WBP1L: variants seen among roughly 807,000 people sequenced by gnomAD.
The protein encoded by WBP1L is WW domain binding protein 1-like.
Under a neutral mutation model 33.7 loss-of-function variants are expected in WBP1L, and 17 were observed. That is an observed-to-expected ratio of 0.50 (90% CI 0.34 to 0.76). WBP1L has a LOEUF of 0.76. WBP1L is among the 30% of genes least tolerant of loss of function. The pLI is 0.01. For missense variants in WBP1L, 389 were observed against 469.4 expected (o/e 0.83, Z 1.58); for synonymous variants, 173 against 190.8 (o/e 0.91, Z 0.77).
chr10:102,798,147 T>A lies in WBP1L; in HGVS notation c.193+52T>A, dbSNP rs773087704. 13 of 1,502,528 alleles carry A rather than the reference T, an allele frequency of 8.7e-6. No homozygotes were observed. In the Admixed American group the frequency reaches 2.2e-4, roughly 25 times the overall value. The allele number at this position is 1,502,528 out of a possible 1,614,324, so 93.1% of individuals were successfully genotyped here. A position where few individuals can be genotyped will look rare whatever the true frequency, so the allele number is the denominator to read the frequency against. On this transcript the variant is annotated intron_variant, in intron 2 of 3. Coordinates refer to ENST00000448841, the MANE Select transcript of WBP1L (RefSeq NM_001083913.2). ...GTATCCCAGGGTCCCAGTTACTGCCTCTGCTTAGTGGGAAACTCTGGGCAT... is the reference window on the plus strand; with the variant it reads ...GTATCCCAGGGTCCCAGTTACTGCCACTGCTTAGTGGGAAACTCTGGGCAT...
intron 1 of WBP1L, among the ~76,000 whole-genome samples, chr10:102,757,916 C>T (rs1321561822): frequency 9.5e-6 from 1 of 105,388 alleles, no homozygotes; most frequent in Non-Finnish European, 1.8e-5. Flanking sequence ...GACAGAGTCT[C>T]ACTCTGTCAC....
At chr10:102,797,673 C>T (rs536270247) in intron 1 of WBP1L, among the ~76,000 whole-genome samples, 1 of 152,148 alleles carries the variant, frequency 6.6e-6, no homozygotes, top group Non-Finnish European at 1.5e-5. Context: ...CTGCCTCAAC[C>T]TCCTGAGTAG....
chr10:102,765,614 C>T (rs7069489), intron 1 of WBP1L, among the ~76,000 whole-genome samples: 109,813 of 152,066 alleles, frequency 0.72, 39,920 homozygotes, highest in East Asian at 0.9. Flanking sequence ...TGCAAGGCAT[C>T]GTGCTTGGTC....
chr10:102,761,099 G>T (rs1843031608), intron 1 of WBP1L, among the ~76,000 whole-genome samples: 4 of 145,130 alleles, frequency 2.8e-5, no homozygotes, highest in Admixed American at 2.7e-4. Flanking sequence ...TAGAGACAGG[G>T]TTTCACCATG....
chr10:102,775,088 A>G (rs2134041213), intron 1 of WBP1L, among the ~76,000 whole-genome samples: 1 of 141,346 alleles, frequency 7.1e-6, no homozygotes, highest in South Asian at 2.4e-4. Flanking sequence ...ACTGTACTCC[A>G]GCCTGGGTAA....
intron 1 of WBP1L, among the ~76,000 whole-genome samples, chr10:102,759,142 C>T (rs896494382): frequency 6.6e-6 from 1 of 152,170 alleles, no homozygotes; most frequent in Non-Finnish European, 1.5e-5. Flanking sequence ...CCTGACTCCT[C>T]CAAGGAAAGG....
intron 3 of WBP1L, among the ~76,000 whole-genome samples, chr10:102,812,353 G>A (rs893727432): frequency 7.2e-5 from 11 of 152,164 alleles, no homozygotes; most frequent in African/African-American, 2.2e-4. Flanking sequence ...CCTTGCCTAC[G>A]AAGCAGCTTT....
intron 1 of WBP1L, among the ~76,000 whole-genome samples, chr10:102,768,770 C>T (rs1843146545): frequency 6.7e-6 from 1 of 148,566 alleles, no homozygotes; most frequent in Non-Finnish European, 1.5e-5. Flanking sequence ...TCACTGAAAG[C>T]TCCACCTCCC....
At chr10:102,746,159 C>A in intron 1 of WBP1L, 1 of 985,228 alleles carries the variant, frequency 1.0e-6, no homozygotes, top group African/African-American at 1.7e-5. Flanking sequence ...CCTACCAGGT[C>A]GTGGAGCCTG....
intron 2 of WBP1L, 98 bp from the exon 3 acceptor site, chr10:102,809,795 C>T: frequency 7.2e-7 from 1 of 1,392,976 alleles, no homozygotes; most frequent in Non-Finnish European, 9.7e-7. Flanking sequence ...CCAGCTTCAA[C>T]CACGTGGGCA....
intron 2 of WBP1L, among the ~76,000 whole-genome samples, chr10:102,798,344 G>T (rs926446968): frequency 7.9e-5 from 12 of 152,124 alleles, no homozygotes; most frequent in African/African-American, 2.9e-4. Flanking sequence ...CTTGCCTGAG[G>T]TTCTCCTGGC....
At chr10:102,775,296 G>A (rs1843244910) in intron 1 of WBP1L, among the ~76,000 whole-genome samples, 2 of 152,160 alleles carry the variant, frequency 1.3e-5, no homozygotes, top group Admixed American at 1.3e-4. Flanking sequence ...CTGTTTCAGG[G>A]AGGGTAGCCA....
chr10:102,769,643 A>G (rs1469103688), intron 1 of WBP1L, among the ~76,000 whole-genome samples: 1 of 152,182 alleles, frequency 6.6e-6, no homozygotes, highest in Non-Finnish European at 1.5e-5. Flanking sequence ...CTATCTGCAT[A>G]TGTGTCCAAG....
intron 1 of WBP1L, among the ~76,000 whole-genome samples, chr10:102,770,576 T>G (rs1251160807): frequency 2.0e-5 from 3 of 152,228 alleles, no homozygotes; most frequent in African/African-American, 4.8e-5. Flanking sequence ...AAGAGCCATG[T>G]CCTAGGAAGG....
At chr10:102,749,931 C>A (rs971767670) in intron 1 of WBP1L, among the ~76,000 whole-genome samples, 8 of 151,846 alleles carry the variant, frequency 5.3e-5, no homozygotes, top group Non-Finnish European at 1.2e-4. Flanking sequence ...GCACTGCCAC[C>A]ATGCCTGGGT....
intron 2 of WBP1L, among the ~76,000 whole-genome samples, chr10:102,808,524 GA>G (rs1428859043): frequency 8.0e-6 from 1 of 125,786 alleles, no homozygotes; most frequent in African/African-American, 2.7e-5. Context: ...CCCTTCCCTG[GA>G]GCAGGGAGGA....
intron 1 of WBP1L, among the ~76,000 whole-genome samples, chr10:102,756,434 C>A (rs1842977456): frequency 6.6e-6 from 1 of 151,914 alleles, no homozygotes; most frequent in South Asian, 2.1e-4. Flanking sequence ...GGGAAGGGAT[C>A]ATTTGTAATG....
Position 102,813,519 on chromosome 10 carries a change from C to G in WBP1L, c.*188C>G, listed in dbSNP as rs112660357. 2,808 of 760,508 alleles carry G rather than the reference C, an allele frequency of 3.7e-3. 54 individuals carry two copies. The African/African-American group carries it at 0.043, about 12-fold the overall frequency. 47.1% of individuals were successfully genotyped at this position (760,508 alleles called of 1,614,324 possible). A position where few individuals can be genotyped will look rare whatever the true frequency, so the allele number is the denominator to read the frequency against. On this transcript the variant is annotated 3_prime_UTR_variant, in exon 4 of 4. Transcript: ENST00000448841. ...ACAGTTCGGGGTGTGGATGCCTCTT[C>G]CTCCACAAGGGCACAGTGTTGTGGA...
In WBP1L at chr10:102,757,948, C is replaced by T. The variant is rs1260717483; in HGVS notation, c.90+13805C>T. Among the ~76,000 whole-genome samples, 4 of 136,414 alleles carry T rather than the reference C, an allele frequency of 2.9e-5. No homozygotes were observed. The South Asian group carries it at 7.3e-4, about 25-fold the overall frequency. The allele number at this position is 136,414 out of a possible 152,430, so 89.5% of individuals were successfully genotyped here. On this transcript the variant is annotated intron_variant, in intron 1 of 3. Transcript: ENST00000448841. ...TCACCCAGGCTGAAGTGCAATGGCACGATCTCGGCTCACTGTAACCTCCGC... is the reference window on the plus strand; with the variant it reads ...TCACCCAGGCTGAAGTGCAATGGCATGATCTCGGCTCACTGTAACCTCCGC...
Sources: gnomAD v4.1 joint callset for allele counts (sites outside exome capture counted in the v4.1 genomes callset) on GRCh38, gnomAD v4.1.1 for gene constraint, MANE v1.5 for transcripts, NCBI Gene and HGNC (gene_info 2026-07-23, HGNC 2026-07-21) for gene names.